Variants in THADA observed in about 807,000 individuals in gnomAD.
THADA encodes the protein tRNA (32-2'-O)-methyltransferase regulator THADA.
A neutral mutation model predicts 219.8 loss-of-function variants in THADA; 213 were observed. That is an observed-to-expected ratio of 0.97 (90% CI 0.87 to 1.09). The LOEUF (loss-of-function observed/expected upper bound fraction) is 1.09, where lower values mean the gene tolerates loss of function less well. THADA is among the 50% of genes least tolerant of loss of function. The probability of loss-of-function intolerance (pLI) is 0.00; values close to 1 mark genes in which losing one functional copy is unlikely to be tolerated. For missense variants in THADA, 2,956 were observed against 2,311.3 expected (o/e 1.28, Z -5.72); for synonymous variants, 1,018 against 828.9 (o/e 1.23, Z -3.92).
intron 29 of THADA, among the ~76,000 whole-genome samples, chr2:43,393,782 C>A (rs539559373): frequency 3.3e-4 from 50 of 149,902 alleles, no homozygotes; most frequent in South Asian, 2.3e-3. Context: ...ACAACAACAA[C>A]AAAAGACCCA....
intron 26 of THADA, among the ~76,000 whole-genome samples, chr2:43,467,645 T>C (rs1408131420): frequency 6.6e-6 from 1 of 152,252 alleles, no homozygotes; most frequent in Non-Finnish European, 1.5e-5. Context: ...AGAAAATTTC[T>C]ACTAAATTGA....
At chr2:43,281,547 T>C (rs1299325009) in intron 35 of THADA, among the ~76,000 whole-genome samples, 2 of 151,692 alleles carry the variant, frequency 1.3e-5, no homozygotes, top group Admixed American at 6.6e-5. Context: ...GTTCAAGTGA[T>C]TCTCCTGCCT....
intron 26 of THADA, among the ~76,000 whole-genome samples, chr2:43,476,998 T>C (rs1685629765): frequency 6.6e-6 from 1 of 152,228 alleles, no homozygotes; most frequent in Non-Finnish European, 1.5e-5. Context: ...ACCTACTATA[T>C]GTAGGACGCT....
chr2:43,412,380 A>T (rs1039004714), intron 28 of THADA, among the ~76,000 whole-genome samples: 1 of 152,198 alleles, frequency 6.6e-6, no homozygotes. Context: ...ATACTGTTTA[A>T]CTTTTGGGTG....
chr2:43,289,427 A>G (rs1375562338), intron 34 of THADA, among the ~76,000 whole-genome samples: 2 of 152,168 alleles, frequency 1.3e-5, no homozygotes, highest in African/African-American at 2.4e-5. Flanking sequence ...CTAATTCCCA[A>G]CGCACCAAGA....
At chr2:43,553,947 T>C (rs1316558175) in intron 17 of THADA, among the ~76,000 whole-genome samples, 1 of 152,226 alleles carries the variant, frequency 6.6e-6, no homozygotes, top group Non-Finnish European at 1.5e-5. Flanking sequence ...AGATTCTTTG[T>C]CCAATTGTAA....
At chr2:43,394,202 T>C (rs1673747434) in intron 29 of THADA, among the ~76,000 whole-genome samples, 1 of 152,216 alleles carries the variant, frequency 6.6e-6, no homozygotes, top group South Asian at 2.1e-4. Flanking sequence ...GTGTTACTTA[T>C]AACCATCTCA....
At chr2:43,407,502 G>A (rs1675714281) in intron 28 of THADA, among the ~76,000 whole-genome samples, 1 of 152,096 alleles carries the variant, frequency 6.6e-6, no homozygotes, top group Non-Finnish European at 1.5e-5. Flanking sequence ...AATCATAGGT[G>A]CTGAGTAAAT....
At chr2:43,279,248 C>A (rs1483014730) in intron 36 of THADA, among the ~76,000 whole-genome samples, 3 of 152,208 alleles carry the variant, frequency 2.0e-5, no homozygotes, top group Admixed American at 2.0e-4. Context: ...CACTCCCCTC[C>A]TCCCTCCTGG....
At chr2:43,417,084 TAA>T (rs1398329211) in intron 28 of THADA, among the ~76,000 whole-genome samples, 2 of 148,234 alleles carry the variant, frequency 1.3e-5, no homozygotes, top group Admixed American at 1.3e-4. Flanking sequence ...GTTTTCTTTA[TAA>T]GAGAGTAAAA....
chr2:43,477,443 T>A (rs1186917527), intron 26 of THADA, among the ~76,000 whole-genome samples: 1 of 152,186 alleles, frequency 6.6e-6, no homozygotes, highest in Middle Eastern at 3.2e-3. Context: ...TCACTAAACA[T>A]CTCTTAATTT....
At position 43,420,120 on chromosome 2, in the gene THADA, A is replaced by G. The variant is rs563254002; in HGVS notation, c.4058+7980T>C. On this transcript the variant is annotated intron_variant, in intron 28 of 37. Transcript: ENST00000405975. ...TGTTAATCACCATGGGTGATTTCTA[A>G]AAGTCCCTGAGATGGCAGACTGAAC... is the stretch of plus-strand genomic sequence containing the variant. Among the ~76,000 whole-genome samples the G allele has an allele frequency of 2.9e-3, 443 of 152,254 alleles. 1 individual carries two copies. The highest frequency in any genetic ancestry group is 7.5e-3 in the South Asian group (36 of 4,812).
chr2:43,431,360 C>G (rs1020490691), intron 26 of THADA, among the ~76,000 whole-genome samples: 1 of 152,202 alleles, frequency 6.6e-6, no homozygotes, highest in Non-Finnish European at 1.5e-5. Flanking sequence ...CCCCATGCCC[C>G]TTCCCAGCAA....
At chr2:43,492,372 C>CTGTG (rs142220403) in intron 25 of THADA, 1 of 150,770 alleles carries the variant, frequency 6.6e-6, no homozygotes, top group African/African-American at 2.4e-5. Flanking sequence ...ACAAAGCCTT[C>CTGTG]TGTGTGTGTG....
intron 18 of THADA, 23 bp downstream of exon 18, chr2:43,552,181 G>C (rs767150216): frequency 6.3e-7 from 1 of 1,597,058 alleles, no homozygotes. Context: ...TCTGAGACAG[G>C]AGGCAGCTGT....
At chr2:43,502,074 T>A (rs192052759) in intron 24 of THADA, among the ~76,000 whole-genome samples, 12 of 152,300 alleles carry the variant, frequency 7.9e-5, no homozygotes, top group Admixed American at 5.9e-4. Flanking sequence ...AAAGGATGTG[T>A]TATAACAGAA....
intron 31 of THADA, among the ~76,000 whole-genome samples, chr2:43,301,768 T>C (rs1297497102): frequency 1.3e-5 from 2 of 152,174 alleles, no homozygotes; most frequent in Non-Finnish European, 2.9e-5. Flanking sequence ...TAAAGTGACC[T>C]AGGTACAGCA....
intron 30 of THADA, among the ~76,000 whole-genome samples, chr2:43,325,976 A>G (rs1679275458): frequency 6.6e-6 from 1 of 152,220 alleles, no homozygotes; most frequent in African/African-American, 2.4e-5. Context: ...TTGAAAGCAC[A>G]CATTCCTGAA....
At position 43,502,200 on chromosome 2, in the gene THADA, G is replaced by T. The variant is rs1391046434; in HGVS notation, c.3622-3245C>A. Among the ~76,000 whole-genome samples the T allele has an allele frequency of 3.9e-5, 6 of 152,298 alleles. No individual in the cohort carries two copies. In the East Asian group the frequency reaches 9.6e-4, roughly 24 times the overall value. On this transcript the variant is annotated intron_variant, in intron 24 of 37. Transcript: ENST00000405975. The stretch of plus-strand genomic sequence containing the variant: ...CACGCACTCCAGCCTGGGTGACAGA[G>T]CAAGATCCTATCAGTAAAAAATAAT...
Sources: gnomAD v4.1 joint callset for allele counts (sites outside exome capture counted in the v4.1 genomes callset) on GRCh38, gnomAD v4.1.1 for gene constraint, MANE v1.5 for transcripts, NCBI Gene and HGNC (gene_info 2026-07-23, HGNC 2026-07-21) for gene names.